Variants in EYS observed in about 807,000 individuals in gnomAD.
The protein encoded by EYS is protein eyes shut homolog.
Under a neutral mutation model 282.1 loss-of-function variants are expected in EYS, and 250 were observed. The observed-to-expected ratio is 0.89, with a 90% confidence interval of 0.80 to 0.98. The LOEUF (loss-of-function observed/expected upper bound fraction) is 0.98. Ranked by LOEUF, EYS falls within the 50% of genes least tolerant of loss-of-function variation. The probability of loss-of-function intolerance (pLI) is 0.00; values close to 1 mark genes in which losing one functional copy is unlikely to be tolerated. For missense variants in EYS, 4,016 were observed against 3,709.0 expected (o/e 1.08, Z -2.15); for synonymous variants, 1,355 against 1,282.9 (o/e 1.06, Z -1.20).
rs77306013 is a variant in EYS at position 65,596,776 on chromosome 6, C to A, written c.-333+43002G>T. ...TTTATAAAACTAGAAATATTCATTACAATTATAAAAATTGATTTGGATAAC... is the reference window on the plus strand; with the variant it reads ...TTTATAAAACTAGAAATATTCATTAAAATTATAAAAATTGATTTGGATAAC... On this transcript the variant is annotated intron_variant, in intron 2 of 42. Transcript: ENST00000503581. 2.2e-3 allele frequency among the ~76,000 whole-genome samples: 332 copies of A among 152,008 alleles called. 12 individuals carry two copies. In the East Asian group the frequency reaches 0.048, roughly 22 times the overall value.
At chr6:64,459,762 C>G (rs1295437133) in intron 26 of EYS, among the ~76,000 whole-genome samples, 1 of 152,200 alleles carries the variant, frequency 6.6e-6, no homozygotes, top group South Asian at 2.1e-4. Flanking sequence ...GCTGCACTGA[C>G]AGCTGATTAG....
At chr6:64,315,210 C>T (rs565634856) in intron 29 of EYS, among the ~76,000 whole-genome samples, 1 of 152,198 alleles carries the variant, frequency 6.6e-6, no homozygotes, top group South Asian at 2.1e-4. Flanking sequence ...ATACACACTC[C>T]TAAGAATAAA....
chr6:65,463,132 C>T (rs532435993), intron 5 of EYS, among the ~76,000 whole-genome samples: 1 of 152,120 alleles, frequency 6.6e-6, no homozygotes, highest in African/African-American at 2.4e-5. Flanking sequence ...GCAGTAGCTC[C>T]CCATTTCAGG....
At chr6:64,031,126 C>T (rs1037528135) in intron 33 of EYS, among the ~76,000 whole-genome samples, 1 of 152,244 alleles carries the variant, frequency 6.6e-6, no homozygotes, top group Non-Finnish European at 1.5e-5. Flanking sequence ...AAGGCCGGAG[C>T]TGGCTCCCTC....
chr6:65,162,911 T>TTGTGTGTGTG (rs3036015), intron 12 of EYS, among the ~76,000 whole-genome samples: 4 of 147,288 alleles, frequency 2.7e-5, no homozygotes, highest in Non-Finnish European at 4.5e-5. Flanking sequence ...CCTGTTCTGT[T>TTGTGTGTGTG]TGTGTGTGTG....
chr6:65,026,074 T>A (rs559398318), intron 13 of EYS, among the ~76,000 whole-genome samples: 31 of 152,364 alleles, frequency 2.0e-4, no homozygotes, highest in African/African-American at 7.5e-4. Flanking sequence ...TACTTTTCTA[T>A]GATCTTCTAG....
At chr6:64,551,526 C>T (rs1027379234) in intron 26 of EYS, among the ~76,000 whole-genome samples, 2 of 150,686 alleles carry the variant, frequency 1.3e-5, no homozygotes, top group African/African-American at 4.9e-5. Context: ...TCATCTCAGC[C>T]AAGTGCATTC....
chr6:65,536,239 G>A (rs1213123895), intron 2 of EYS, among the ~76,000 whole-genome samples: 2 of 151,780 alleles, frequency 1.3e-5, no homozygotes, highest in East Asian at 1.9e-4. Flanking sequence ...AAATAGCACC[G>A]AGACCTGAGT....
chr6:64,847,479 TTTAA>T (rs1389646229), intron 19 of EYS, among the ~76,000 whole-genome samples: 2 of 152,086 alleles, frequency 1.3e-5, no homozygotes, highest in East Asian at 1.9e-4. Flanking sequence ...TATCCTCATC[TTTAA>T]TTATCTTTTC....
intron 26 of EYS, among the ~76,000 whole-genome samples, chr6:64,542,869 G>C (rs1046632068): frequency 6.6e-6 from 1 of 151,986 alleles, no homozygotes; most frequent in Non-Finnish European, 1.5e-5. Context: ...TTTAGAAGAG[G>C]TTCTAATGCA....
chr6:64,158,820 A>G (rs1261089018), intron 31 of EYS, among the ~76,000 whole-genome samples: 1 of 152,192 alleles, frequency 6.6e-6, no homozygotes, highest in African/African-American at 2.4e-5. Context: ...GACTTCTGCT[A>G]TGTTTTGCAC....
chr6:65,598,931 T>A (rs533702957), intron 2 of EYS, among the ~76,000 whole-genome samples: 1 of 152,108 alleles, frequency 6.6e-6, no homozygotes, highest in African/African-American at 2.4e-5. Flanking sequence ...AGTGTATTAA[T>A]ACATGCATCA....
intron 31 of EYS, among the ~76,000 whole-genome samples, chr6:64,203,300 A>C (rs1449639710): frequency 6.6e-6 from 1 of 152,184 alleles, no homozygotes; most frequent in Non-Finnish European, 1.5e-5. Flanking sequence ...AGAGTTCCCA[A>C]GTGGTGGGCA....
intron 31 of EYS, among the ~76,000 whole-genome samples, chr6:64,158,838 C>T (rs992925462): frequency 6.6e-6 from 1 of 152,156 alleles, no homozygotes; most frequent in African/African-American, 2.4e-5. Flanking sequence ...CACTATAGTA[C>T]TTGAAGAAGA....
At chr6:64,004,363 A>G (rs1326580091) in intron 33 of EYS, among the ~76,000 whole-genome samples, 6 of 152,086 alleles carry the variant, frequency 3.9e-5, no homozygotes, top group South Asian at 2.1e-4. Flanking sequence ...ATTTTAATAT[A>G]CTTTCTTATA....
chr6:65,667,152 T>C (rs1406251359), intron 1 of EYS, among the ~76,000 whole-genome samples: 1 of 151,848 alleles, frequency 6.6e-6, no homozygotes, highest in Non-Finnish European at 1.5e-5. Flanking sequence ...TAATTTGTTG[T>C]TCTACTTCTG....
intron 12 of EYS, among the ~76,000 whole-genome samples, chr6:65,278,031 C>CCTTATCTTTTCTTTTCTTTTCTTTT (rs1768098103): frequency 9.3e-6 from 1 of 107,486 alleles, no homozygotes; most frequent in Non-Finnish European, 1.9e-5. Flanking sequence ...CTTTTCTTTT[C>CCTTATCTTTTCTTTTCTTTTCTTTT]CTTTTCTTTT....
At chr6:65,613,069 G>T (rs2149796121) in intron 2 of EYS, among the ~76,000 whole-genome samples, 1 of 151,676 alleles carries the variant, frequency 6.6e-6, no homozygotes, top group East Asian at 1.9e-4. Flanking sequence ...CAGCTACAGA[G>T]GCATCTCAGT....
At chr6:63,734,736 G>A (rs866961009) in intron 41 of EYS, among the ~76,000 whole-genome samples, 28 of 152,044 alleles carry the variant, frequency 1.8e-4, no homozygotes, top group African/African-American at 6.5e-4. Flanking sequence ...GGGAGAAGCA[G>A]GTATTTTGGA....
Sources: gnomAD v4.1 joint callset for allele counts (sites outside exome capture counted in the v4.1 genomes callset) on GRCh38, gnomAD v4.1.1 for gene constraint, MANE v1.5 for transcripts, NCBI Gene and HGNC (gene_info 2026-07-23, HGNC 2026-07-21) for gene names.